The following MTA1 variants were observed in gnomAD, a reference collection of about 807,000 sequenced individuals.
MTA1 encodes the protein metastasis-associated protein MTA1.
A neutral mutation model predicts 97.0 loss-of-function variants in MTA1; 15 were observed. That is an observed-to-expected ratio of 0.15 (90% CI 0.10 to 0.24). The LOEUF (loss-of-function observed/expected upper bound fraction) is 0.24. MTA1 is among the 10% of genes least tolerant of loss of function. The pLI, the probability that MTA1 is intolerant of heterozygous loss-of-function variation, is 1.00. For synonymous variants in MTA1, 435 were observed against 417.5 expected (o/e 1.04, Z -0.51); for missense variants, 709 against 1,015.1 (o/e 0.70, Z 4.10).
intron 6 of MTA1, among the ~76,000 whole-genome samples, chr14:105,452,703 G>A (rs1555429005): frequency 6.6e-6 from 1 of 152,200 alleles, no homozygotes; most frequent in Non-Finnish European, 1.5e-5. Flanking sequence ...AAAGATCCAG[G>A]CAGAGTAGGA....
chr14:105,442,635 G>A (rs1269301216), intron 2 of MTA1, among the ~76,000 whole-genome samples: 5 of 130,840 alleles, frequency 3.8e-5, no homozygotes, highest in Non-Finnish European at 6.6e-5. Flanking sequence ...GTGTGTGCAG[G>A]AGCGTCTCAG....
chr14:105,469,198 G>A (rs1271513356), intron 18 of MTA1: 1 of 617,290 alleles, frequency 1.6e-6, no homozygotes, highest in East Asian at 3.0e-5. Context: ...GTGCAGGGAG[G>A]TGACTGTCGG....
chr14:105,427,608 CCCTGTATTT>C (rs2082050838), intron 1 of MTA1, among the ~76,000 whole-genome samples: 1 of 152,172 alleles, frequency 6.6e-6, no homozygotes, highest in African/African-American at 2.4e-5. Flanking sequence ...AGGAACCTGA[CCCTGTATTT>C]CCTGTAGGAA....
chr14:105,464,368 G>T (rs782462309), intron 13 of MTA1, 48 bp from the exon 14 acceptor site: 27 of 1,603,732 alleles, frequency 1.7e-5, no homozygotes, highest in Non-Finnish European at 2.2e-5. Context: ...CTCTGACATC[G>T]CTGGTTCTGC....
chr14:105,432,279 C>G (rs1464246691), intron 1 of MTA1, among the ~76,000 whole-genome samples: 1 of 151,996 alleles, frequency 6.6e-6, no homozygotes. Flanking sequence ...CTTGCTCTGT[C>G]ACCCAGGCTG....
intron 1 of MTA1, among the ~76,000 whole-genome samples, chr14:105,432,896 C>G (rs925185425): frequency 6.6e-6 from 1 of 152,090 alleles, no homozygotes; most frequent in Non-Finnish European, 1.5e-5. Flanking sequence ...GACTTCCATG[C>G]GAGTGCAAGG....
Position 105,420,021 on chromosome 14 carries a change from G to C in MTA1, c.-15G>C. On this transcript the variant is annotated 5_prime_UTR_variant, in exon 1 of 21. Coordinates refer to ENST00000331320, the MANE Select transcript of MTA1 (RefSeq NM_004689.4). This position sits in a 1 kb window ranked among gnomAD's most constrained non-coding sequence, Gnocchi z 5.3. Reference sequence around the variant, plus strand: ...CGCGCCCGCCCCGGGCCCCTCCGCCGCCGCCGGCCCGGACATGGCCGCCAA... The same window carrying C: ...CGCGCCCGCCCCGGGCCCCTCCGCCCCCGCCGGCCCGGACATGGCCGCCAA... 9.5e-7 allele frequency: 1 copy of C among 1,048,336 alleles called. No homozygotes were observed. Among genetic ancestry groups the C allele is most frequent in the Non-Finnish European group, 1.2e-6 (1 of 868,534 alleles). The allele number at this position is 1,048,336 out of a possible 1,614,324, so 64.9% of individuals were successfully genotyped here. A position where few individuals can be genotyped will look rare whatever the true frequency, so the allele number is the denominator to read the frequency against.
At chr14:105,455,315 G>A (rs997291651) in intron 7 of MTA1, among the ~76,000 whole-genome samples, 18 of 152,344 alleles carry the variant, frequency 1.2e-4, no homozygotes, top group Middle Eastern at 3.4e-3. Context: ...TGGGGCCGTG[G>A]AGCTCCGACG....
intron 7 of MTA1, 47 bp from the exon 8 acceptor site, chr14:105,458,223 C>G: frequency 6.5e-7 from 1 of 1,546,342 alleles, no homozygotes; most frequent in Non-Finnish European, 8.9e-7. Context: ...CGCGGCCCGG[C>G]GCGCCGTGGG....
chr14:105,465,267 C>G (rs2083523475), intron 16 of MTA1, 84 bp downstream of exon 16: 1 of 1,208,804 alleles, frequency 8.3e-7, no homozygotes, highest in Non-Finnish European at 1.1e-6. Flanking sequence ...TGCTCCCAGC[C>G]TTCTCTAGCT....
At chr14:105,431,160 G>C (rs1425914671) in intron 1 of MTA1, among the ~76,000 whole-genome samples, 1 of 152,172 alleles carries the variant, frequency 6.6e-6, no homozygotes, top group Non-Finnish European at 1.5e-5. Flanking sequence ...CCACAAGACT[G>C]TCCTCACTTC....
chr14:105,454,364 G>T (rs1295468374), intron 7 of MTA1, 54 bp downstream of exon 7: 3 of 1,281,000 alleles, frequency 2.3e-6, no homozygotes, highest in Non-Finnish European at 3.4e-6. Flanking sequence ...GTCCTGCCGG[G>T]TGACACACTG....
intron 6 of MTA1, among the ~76,000 whole-genome samples, chr14:105,452,805 G>A (rs2082994581): frequency 6.6e-6 from 1 of 152,248 alleles, no homozygotes. Flanking sequence ...CACACATGGA[G>A]CAGGTGTCAT....
intron 3 of MTA1, chr14:105,445,738 G>A (rs1555427002): frequency 1.5e-6 from 1 of 661,664 alleles, no homozygotes; most frequent in Admixed American, 2.1e-5. Flanking sequence ...CCCCGGAGTG[G>A]TCTGTCTCTC....
At chr14:105,436,321 A>G (rs587703544) in intron 1 of MTA1, among the ~76,000 whole-genome samples, 1 of 152,190 alleles carries the variant, frequency 6.6e-6, no homozygotes, top group South Asian at 2.1e-4. Flanking sequence ...TTTCCCCTCT[A>G]CTATTTTTGT....
At chr14:105,465,021 A>G in intron 15 of MTA1, 73 bp from the exon 16 acceptor site, 1 of 1,437,328 alleles carries the variant, frequency 7.0e-7, no homozygotes, top group African/African-American at 1.4e-5. Flanking sequence ...GAGGGCTCCC[A>G]GGTCAAGGCG....
chr14:105,464,576 G>T lies in MTA1; in HGVS notation c.1344+9G>T, dbSNP rs781965269. ...CAAACCGCAGTAACATGGTAAGGGG[G>T]GGGACACCCGCCCTGCCTGCCATGA... On this transcript the variant is annotated intron_variant, in intron 14 of 20. Transcript: ENST00000331320. The T allele has an allele frequency of 8.1e-6, 13 of 1,612,638 alleles. No homozygotes were observed. Among genetic ancestry groups the T allele is most frequent in the Non-Finnish European group, 1.1e-5 (13 of 1,179,806 alleles).
chr14:105,441,759 A>T (rs587678677), intron 2 of MTA1, among the ~76,000 whole-genome samples: 8 of 152,104 alleles, frequency 5.3e-5, no homozygotes, highest in African/African-American at 9.7e-5. Flanking sequence ...CCGCCACTAC[A>T]CTCCAGCCTG....
Position 105,450,340 on chromosome 14 carries a change from G to A in MTA1, c.432+16G>A. 1.3e-6 allele frequency: 2 copies of A among 1,595,762 alleles called. No homozygotes were observed. The highest frequency in any genetic ancestry group is 1.7e-6 in the Non-Finnish European group (2 of 1,167,210). On this transcript the variant is annotated intron_variant, in intron 6 of 20. Transcript: ENST00000331320. Reference sequence around the variant, plus strand: ...GGAGCGGGAGGTGAGGCCCAGCCCGGCCTGGTCTGCCGCAGCCAGTCCCGG... The same window carrying A: ...GGAGCGGGAGGTGAGGCCCAGCCCGACCTGGTCTGCCGCAGCCAGTCCCGG...
Sources: allele counts gnomAD v4.1 joint callset (sites outside exome capture counted in the v4.1 genomes callset), GRCh38; gene constraint gnomAD v4.1.1; non-coding constraint Gnocchi (gnomAD v3.1); transcripts MANE v1.5; gene names NCBI Gene and HGNC (gene_info 2026-07-23, HGNC 2026-07-21).